Variants in ZNF454 observed in about 807,000 individuals in gnomAD.
ZNF454 encodes the protein zinc finger protein 454.
Under a neutral mutation model 48.2 loss-of-function variants are expected in ZNF454, and 30 were observed. The observed-to-expected ratio is 0.62, with a 90% CI of 0.47 to 0.84. The LOEUF (loss-of-function observed/expected upper bound fraction) is 0.84. Ranked by LOEUF, ZNF454 falls within the 40% of genes least tolerant of loss-of-function variation. The pLI, the probability that ZNF454 is intolerant of heterozygous loss-of-function variation, is 0.00. For missense variants in ZNF454, 510 were observed against 623.1 expected, an observed-to-expected ratio of 0.82 and a Z score of 1.93; for synonymous variants, 204 against 211.4, an observed-to-expected ratio of 0.97 and a Z score of 0.30.
At chr5:178,986,802 G>A in the ZNF454 span, 10 of 1,612,398 alleles carry the variant, frequency 6.2e-6, no homozygotes, top group Non-Finnish European at 8.5e-6. Flanking sequence ...GGGATCCTGG[G>A]CCCATGCCCA....
the ZNF454 span, chr5:178,989,750 G>A: frequency 2.6e-6 from 1 of 390,074 alleles, no homozygotes; most frequent in South Asian, 2.2e-5. Flanking sequence ...CTGTTAGGAT[G>A]CTGCTGTGAA....
At chr5:178,986,698 C>G in the ZNF454 span, 1 of 1,604,684 alleles carries the variant, frequency 6.2e-7, no homozygotes, top group Non-Finnish European at 8.5e-7. Context: ...GCAGGGCAGG[C>G]TGCACAGAGA....
At chr5:178,974,813 C>T in the ZNF454 span, among the ~76,000 whole-genome samples, 1 of 152,150 alleles carries the variant, frequency 6.6e-6, no homozygotes. Flanking sequence ...GAGTCTTTGA[C>T]TTAAGTAGCT....
chr5:178,976,813 T>TTTACCTGTC, the ZNF454 span, among the ~76,000 whole-genome samples: 2 of 152,182 alleles, frequency 1.3e-5, no homozygotes, highest in Non-Finnish European at 2.9e-5. Context: ...CCCTGGAAGT[T>TTTACCTGTC]TTACCTGTCT....
intron 4 of ZNF454, among the ~76,000 whole-genome samples, chr5:178,960,264 T>C (rs1759954183): frequency 6.7e-6 from 1 of 150,110 alleles, no homozygotes; most frequent in Admixed American, 6.7e-5. Context: ...TCCTTTTCTT[T>C]TTTTTTTTTT....
the ZNF454 span, among the ~76,000 whole-genome samples, chr5:178,988,777 G>A: frequency 2.0e-5 from 3 of 152,104 alleles, no homozygotes; most frequent in Admixed American, 6.5e-5. The surrounding 1 kb of genome is among the most constrained non-coding windows in gnomAD (Gnocchi z 6.0). Context: ...ATTGGGGACC[G>A]GAACTTGTCT....
Position 178,965,111 on chromosome 5 carries a change from G to T in ZNF454, c.707G>T (p.Arg236Ile). The change falls in exon 5 of 5, where the codon AGA becomes ATA. Residue 236 changes from arginine to isoleucine, a missense_variant. This residue lies in a region of ZNF454 where 354 missense variants were observed against 408.9 expected (regional missense o/e 0.87). Transcript: ENST00000519564. The surrounding 1 kb of genome is among the most constrained non-coding windows in gnomAD (Gnocchi z 5.2). ...AGTACGCACCTTATCCATCACCAAAGAATTCACACTGGCGAGAAACCCTAT... is the reference window on the plus strand; with the variant it reads ...AGTACGCACCTTATCCATCACCAAATAATTCACACTGGCGAGAAACCCTAT... The part of the protein sequence containing the change: ...HQSTHLIHHQ[R>I]IHTGEKPYEC... 1 of 1,614,152 alleles carries T rather than the reference G, an allele frequency of 6.2e-7. No individual in the cohort carries two copies. The highest frequency in any genetic ancestry group is 1.3e-5 in the African/African-American group (1 of 75,028).
intron 4 of ZNF454, 36 bp downstream of exon 4, chr5:178,947,022 C>A: frequency 1.9e-6 from 3 of 1,584,224 alleles, no homozygotes; most frequent in Non-Finnish European, 1.7e-6. Context: ...CCGGGAGGAG[C>A]CCTGCTGGGT....
chr5:178,986,871 T>TG, the ZNF454 span: 4 of 1,613,920 alleles, frequency 2.5e-6, no homozygotes, highest in Non-Finnish European at 3.4e-6. Flanking sequence ...ACTGGCCCAC[T>TG]GCCTGGTACC....
At position 178,946,331 on chromosome 5, in the gene ZNF454, G is replaced by C; in HGVS notation, c.34-28G>C. The C allele has an allele frequency of 6.2e-7, 1 of 1,610,668 alleles. No homozygotes were observed. Among genetic ancestry groups the C allele is most frequent in the Non-Finnish European group, 8.5e-7 (1 of 1,178,804 alleles). On this transcript the variant is annotated intron_variant, in intron 2 of 4. Coordinates refer to ENST00000519564, the MANE Select transcript of ZNF454 (RefSeq NM_001178089.3). The surrounding 1 kb of genome is among the most constrained non-coding windows in gnomAD (Gnocchi z 4.5). ...GAACCATGTGCAGGGGTAGCCCCTG[G>C]TCAAGGAGAATGAATTTGCTGTTGC...
chr5:178,943,800 C>T (rs1157053851), intron 2 of ZNF454, among the ~76,000 whole-genome samples: 1 of 152,112 alleles, frequency 6.6e-6, no homozygotes, highest in Non-Finnish European at 1.5e-5. Flanking sequence ...CCAAGGCCAG[C>T]GGATCACGAG....
chr5:178,982,890 C>A, the ZNF454 span: 2 of 1,583,728 alleles, frequency 1.3e-6, no homozygotes, highest in South Asian at 2.2e-5. Context: ...GGCAGCGAGA[C>A]CTCCTGGGGA....
chr5:178,947,338 C>G (rs1353655305), intron 4 of ZNF454, among the ~76,000 whole-genome samples: 1 of 152,206 alleles, frequency 6.6e-6, no homozygotes, highest in Non-Finnish European at 1.5e-5. Context: ...GCCCTTCTCT[C>G]ATGAGGAGCC....
the ZNF454 span, among the ~76,000 whole-genome samples, chr5:178,984,416 C>T: frequency 2.1e-3 from 324 of 152,308 alleles, 1 homozygote; most frequent in Admixed American, 5.3e-3. Flanking sequence ...CGAATTGAAG[C>T]CACAGTGAGA....
downstream of ZNF454, chr5:178,969,628 TACACC>T (rs1312680440): frequency 2.2e-6 from 1 of 456,784 alleles, no homozygotes; most frequent in East Asian, 6.9e-5. Flanking sequence ...ACTGCTCTGG[TACACC>T]ACGACCATGA....
At chr5:178,959,938 T>C (rs555356208) in intron 4 of ZNF454, among the ~76,000 whole-genome samples, 2 of 149,560 alleles carry the variant, frequency 1.3e-5, no homozygotes, top group Non-Finnish European at 3.0e-5. Context: ...TTTTCTTTCT[T>C]TTCTTTTCTT....
chr5:178,976,119 AC>A, the ZNF454 span: 1 of 455,108 alleles, frequency 2.2e-6, no homozygotes. Flanking sequence ...CGCCTGCAGG[AC>A]CCCATCCCCC....
intron 1 of ZNF454, chr5:178,942,317 A>T (rs192813001): frequency 6.5e-6 from 1 of 154,020 alleles, no homozygotes; most frequent in Admixed American, 6.5e-5. Context: ...GGGGCGGGAG[A>T]ATCGCTTGAA....
the ZNF454 span, chr5:178,986,202 G>A: frequency 6.7e-5 from 108 of 1,614,072 alleles, no homozygotes; most frequent in Non-Finnish European, 8.8e-5. Flanking sequence ...GTGTGACCGA[G>A]CGCTTGCCCT....
Sources: gnomAD v4.1 joint callset for allele counts (sites outside exome capture counted in the v4.1 genomes callset) on GRCh38, gnomAD v4.1.1 for gene constraint, gnomAD v4.1.1 regional missense constraint, Gnocchi (gnomAD v3.1) non-coding constraint, MANE v1.5 for transcripts, NCBI Gene and HGNC (gene_info 2026-07-23, HGNC 2026-07-21) for gene names.